The following CCDC160 variants were observed in gnomAD, a reference collection of about 807,000 sequenced individuals.
The protein encoded by CCDC160 is coiled-coil domain-containing protein 160.
For synonymous variants in CCDC160, 94 were observed against 79.4 expected (o/e 1.18, Z -0.98); for missense variants, 227 against 215.6 (o/e 1.05, Z -0.33).
At position 134,240,406 on chromosome X, in the gene CCDC160, T is replaced by A. The variant is rs2077023356; in HGVS notation, c.-25+3063T>A. 2.7e-5 allele frequency among the ~76,000 whole-genome samples: 3 copies of A among 111,705 alleles called. No homozygotes were observed. The South Asian group carries it at 1.1e-3, about 42-fold the overall frequency. On this transcript the variant is annotated intron_variant, in intron 1 of 1. Coordinates refer to ENST00000370809, the Ensembl canonical transcript of CCDC160. ...GCCCCTAGGCAGTGACTAAAAGCCA[T>A]GCCCCTTGTTGAGAGCTACTAAGCG...
At chrX:134,240,698 T>G (rs2077024938) in intron 1 of CCDC160, among the ~76,000 whole-genome samples, 1 of 73,404 alleles carries the variant, frequency 1.4e-5, no homozygotes, top group African/African-American at 5.9e-5. Flanking sequence ...TTTTTTTTTT[T>G]TAGGAGACAG....
chrX:134,239,771 G>A (rs1446728377), intron 1 of CCDC160, among the ~76,000 whole-genome samples: 1 of 111,274 alleles, frequency 9.0e-6, no homozygotes, highest in African/African-American at 3.3e-5. Context: ...TTTAAAAGTT[G>A]CTTTCATTTC....
chrX:134,238,114 G>A (rs2077015994), intron 1 of CCDC160, among the ~76,000 whole-genome samples: 2 of 111,446 alleles, frequency 1.8e-5, no homozygotes, highest in African/African-American at 3.3e-5. Flanking sequence ...TTTTGCTAAT[G>A]CGGTTCCTGG....
At chrX:134,237,244 T>G (rs1194189351) in exon 1 of CCDC160, 1 of 112,301 alleles carries the variant, frequency 8.9e-6, no homozygotes, top group Non-Finnish European at 1.9e-5. Flanking sequence ...CCCGGCGGGG[T>G]CGCGGTGGCC....
At chrX:134,243,506 A>G in intron 1 of CCDC160, 1 of 194,794 alleles carries the variant, frequency 5.1e-6, no homozygotes, top group South Asian at 2.4e-4. Context: ...AGAAAAGAGA[A>G]GATAATACAC....
At chrX:134,237,393 C>T (rs999995357) in intron 1 of CCDC160, 50 bp downstream of exon 1, 1 of 113,316 alleles carries the variant, frequency 8.8e-6, no homozygotes, top group East Asian at 2.8e-4. Flanking sequence ...CGCCCCTCTT[C>T]TTCCCGGACA....
At chrX:134,245,153 C>T (rs2077038530) in exon 2 of CCDC160, 3 of 1,197,349 alleles carry the variant, frequency 2.5e-6, no homozygotes, top group Non-Finnish European at 3.4e-6. Flanking sequence ...GAAGATAACT[C>T]TACCTGCAGT....
chrX:134,242,499 C>T (rs2077030329), intron 1 of CCDC160, among the ~76,000 whole-genome samples: 1 of 110,020 alleles, frequency 9.1e-6, no homozygotes, highest in South Asian at 3.9e-4. Flanking sequence ...CACTGAAAGG[C>T]ATTTCCTTTC....
chrX:134,238,519 C>A (rs1426554946), intron 1 of CCDC160, among the ~76,000 whole-genome samples: 1 of 108,491 alleles, frequency 9.2e-6, no homozygotes, highest in Non-Finnish European at 1.9e-5. Context: ...ATTACAGGCG[C>A]GTGCCACCAC....
rs992124207 is a variant in CCDC160 at position 134,244,546 on chromosome X, A to C, written c.-24-231A>C. 3.6e-5 allele frequency among the ~76,000 whole-genome samples: 4 copies of C among 111,824 alleles called. No homozygotes were observed. In the Admixed American group the frequency reaches 3.8e-4, roughly 11 times the overall value. Reference sequence around the variant, plus strand: ...TGTGTCAGTTTACTAGTTCTATTTCATAGGATGAGAGACTTTTAAAGCTGG... The same window carrying C: ...TGTGTCAGTTTACTAGTTCTATTTCCTAGGATGAGAGACTTTTAAAGCTGG... On this transcript the variant is annotated intron_variant, in intron 1 of 1. Coordinates refer to ENST00000370809, the Ensembl canonical transcript of CCDC160.
At chrX:134,240,714 C>T (rs1169031105) in intron 1 of CCDC160, among the ~76,000 whole-genome samples, 2 of 73,203 alleles carry the variant, frequency 2.7e-5, no homozygotes, top group African/African-American at 1.1e-4. Flanking sequence ...GACAGAGTGT[C>T]GCTCTGTTTC....
At chrX:134,240,664 CTTTTTTTTTTTTTTTTTT>C (rs3045487) in intron 1 of CCDC160, among the ~76,000 whole-genome samples, 16 of 27,168 alleles carry the variant, frequency 5.9e-4, no homozygotes, top group South Asian at 4.6e-3. Context: ...AAACCAAATT[CTTTTTTTTTTTTTTTTTT>C]TTTTTTTTTT....
exon 2 of CCDC160, chrX:134,245,713 T>C: frequency 8.4e-7 from 1 of 1,188,691 alleles, no homozygotes; most frequent in Non-Finnish European, 1.1e-6. Context: ...GCTTAGAAAA[T>C]ACTATGCTTC....
intron 1 of CCDC160, among the ~76,000 whole-genome samples, chrX:134,242,753 T>A (rs1027560587): frequency 1.8e-5 from 2 of 111,187 alleles, no homozygotes; most frequent in Non-Finnish European, 3.8e-5. Flanking sequence ...TATCTCCAGA[T>A]ATAAAGTGTC....
exon 1 of CCDC160, chrX:134,237,187 C>A (rs1296211229): frequency 8.8e-6 from 1 of 113,731 alleles, no homozygotes; most frequent in Non-Finnish European, 1.9e-5. Context: ...TAGGCAACCG[C>A]GCGGCCCGCG....
intron 1 of CCDC160, among the ~76,000 whole-genome samples, chrX:134,239,042 C>T (rs918653777): frequency 6.3e-5 from 7 of 111,953 alleles, no homozygotes; most frequent in South Asian, 3.8e-4. Flanking sequence ...AAAGTGCTTT[C>T]TCTAAAATAC....
At chrX:134,240,765 C>T (rs1302178148) in intron 1 of CCDC160, among the ~76,000 whole-genome samples, 1 of 96,341 alleles carries the variant, frequency 1.0e-5, no homozygotes, top group Non-Finnish European at 2.0e-5. Context: ...CTCACTTCAG[C>T]CTCAACCCCC....
chrX:134,246,803 G>T (rs1483490472), downstream of CCDC160, among the ~76,000 whole-genome samples: 1 of 112,058 alleles, frequency 8.9e-6, no homozygotes, highest in African/African-American at 3.2e-5. Flanking sequence ...TATTTGCATG[G>T]TGTTTTAAAG....
exon 2 of CCDC160, chrX:134,245,319 A>G (rs776144811): frequency 1.4e-5 from 17 of 1,188,614 alleles, no homozygotes; most frequent in South Asian, 1.9e-5. Flanking sequence ...ATGCTGAAAA[A>G]GAACTTTTGC....
Sources: allele counts gnomAD v4.1 joint callset (sites outside exome capture counted in the v4.1 genomes callset), GRCh38; gene constraint gnomAD v4.1.1; transcripts MANE v1.5; gene names NCBI Gene and HGNC (gene_info 2026-07-23, HGNC 2026-07-21).